The following GALNT13 variants were observed in gnomAD, a reference collection of about 807,000 sequenced individuals.
GALNT13 encodes polypeptide N-acetylgalactosaminyltransferase 13.
GALNT13 carries 28 observed loss-of-function variants against 64.2 expected under a neutral mutation model. That is an observed-to-expected ratio of 0.44 (90% CI 0.32 to 0.60). GALNT13 has a LOEUF of 0.60. GALNT13 is among the 20% of genes least tolerant of loss of function. GALNT13 has a pLI of 0.05. For missense variants in GALNT13, 577 were observed against 669.8 expected, an observed-to-expected ratio of 0.86 and a Z score of 1.53; for synonymous variants, 214 against 224.6, an observed-to-expected ratio of 0.95 and a Z score of 0.42.
At chr2:153,443,257 T>C in the GALNT13 span, among the ~76,000 whole-genome samples, 1 of 152,150 alleles carries the variant, frequency 6.6e-6, no homozygotes, top group Admixed American at 6.5e-5. Flanking sequence ...GATTACACAA[T>C]TTCTCAAGGG....
chr2:153,747,724 A>G, the GALNT13 span, among the ~76,000 whole-genome samples: 1 of 151,842 alleles, frequency 6.6e-6, no homozygotes, highest in Non-Finnish European at 1.5e-5. Context: ...ACTGCACCTG[A>G]CCCAATTGTT....
At chr2:153,345,647 CTT>C in the GALNT13 span, among the ~76,000 whole-genome samples, 28 of 118,188 alleles carry the variant, frequency 2.4e-4, no homozygotes, top group Middle Eastern at 4.1e-3. Flanking sequence ...TTCTTTCTTT[CTT>C]TCTTTCTTTC....
chr2:153,966,312 G>C (rs1481391441), intron 3 of GALNT13, among the ~76,000 whole-genome samples: 1 of 147,874 alleles, frequency 6.8e-6, no homozygotes, highest in African/African-American at 2.5e-5. Context: ...CCTGGTCCTA[G>C]ATGTATAAAA....
the GALNT13 span, among the ~76,000 whole-genome samples, chr2:153,620,104 A>AT: frequency 1.3e-5 from 2 of 151,658 alleles, no homozygotes; most frequent in Non-Finnish European, 2.9e-5. Flanking sequence ...TTTTGAGGCT[A>AT]TTTTTTAATA....
chr2:154,249,987 C>G (rs906344336), intron 7 of GALNT13, among the ~76,000 whole-genome samples: 4 of 151,938 alleles, frequency 2.6e-5, no homozygotes, highest in Admixed American at 6.6e-5. Context: ...ATATTATCTC[C>G]TCTATCATTC....
At chr2:154,122,986 GA>G (rs1452652712) in intron 3 of GALNT13, among the ~76,000 whole-genome samples, 2 of 151,934 alleles carry the variant, frequency 1.3e-5, no homozygotes, top group African/African-American at 2.4e-5. Flanking sequence ...ACATGGATAA[GA>G]AATACAGCAA....
chr2:153,752,975 A>G, the GALNT13 span, among the ~76,000 whole-genome samples: 1 of 152,262 alleles, frequency 6.6e-6, no homozygotes, highest in Middle Eastern at 3.4e-3. Flanking sequence ...ATTTTCAAAT[A>G]ACCTGTCTTC....
intron 3 of GALNT13, among the ~76,000 whole-genome samples, chr2:154,079,205 A>T (rs1248888181): frequency 6.6e-6 from 1 of 151,680 alleles, no homozygotes; most frequent in Non-Finnish European, 1.5e-5. Context: ...AATACATGGT[A>T]ACAAGAATGT....
At chr2:153,742,984 A>G in the GALNT13 span, among the ~76,000 whole-genome samples, 1 of 93,718 alleles carries the variant, frequency 1.1e-5, no homozygotes, top group African/African-American at 4.1e-5. Context: ...GGGGAGGAGA[A>G]GTGGGGGGGG....
At chr2:154,014,635 C>CTTTTT (rs60950180) in intron 3 of GALNT13, among the ~76,000 whole-genome samples, 1,498 of 77,150 alleles carry the variant, frequency 0.019, 275 homozygotes, top group South Asian at 0.078. Flanking sequence ...GATAATTCTC[C>CTTTTT]TTTTTTTTTT....
At chr2:154,368,523 T>G (rs1527867) in intron 9 of GALNT13, among the ~76,000 whole-genome samples, 89,946 of 151,998 alleles carry the variant, frequency 0.59, 26,711 homozygotes, top group Admixed American at 0.67. Flanking sequence ...GTAAAGGGTT[T>G]TAACTTCAGA....
Position 154,245,189 on chromosome 2 carries a change from T to C in GALNT13, c.687-623T>C, listed in dbSNP as rs563024590. 3.3e-4 allele frequency among the ~76,000 whole-genome samples: 50 copies of C among 152,226 alleles called. 1 individual carries two copies. In the South Asian group the frequency reaches 5.0e-3, roughly 15 times the overall value. On this transcript the variant is annotated intron_variant, in intron 6 of 12. Transcript: ENST00000392825. ...TTGCTTATCTTTCCCTATCTTAAGC[T>C]ATCATCTAGATTATACATGTAAACT...
At chr2:153,680,948 GA>G in the GALNT13 span, among the ~76,000 whole-genome samples, 1 of 151,922 alleles carries the variant, frequency 6.6e-6, no homozygotes, top group Non-Finnish European at 1.5e-5. Flanking sequence ...TAGCCTTAAG[GA>G]ATTCGGATAA....
chr2:153,205,752 G>T, the GALNT13 span, among the ~76,000 whole-genome samples: 17 of 151,872 alleles, frequency 1.1e-4, no homozygotes, highest in Admixed American at 8.5e-4. Context: ...CTTTCAATTT[G>T]CCCTGAATGT....
At chr2:153,163,996 C>A in the GALNT13 span, among the ~76,000 whole-genome samples, 7 of 142,762 alleles carry the variant, frequency 4.9e-5, no homozygotes, top group East Asian at 2.0e-4. Flanking sequence ...CCAGCCTGGG[C>A]GACCGAGCCA....
chr2:153,919,828 T>C (rs1018433495), intron 2 of GALNT13, among the ~76,000 whole-genome samples: 54 of 151,582 alleles, frequency 3.6e-4, no homozygotes, highest in African/African-American at 1.3e-3. Flanking sequence ...ACCAGAATTC[T>C]ATAAGTAGAT....
intron 2 of GALNT13, among the ~76,000 whole-genome samples, chr2:153,914,143 CT>C (rs1689169918): frequency 6.6e-6 from 1 of 152,110 alleles, no homozygotes; most frequent in Admixed American, 6.6e-5. Context: ...TTTTCTGTGT[CT>C]TATTGACTTG....
the GALNT13 span, among the ~76,000 whole-genome samples, chr2:153,714,703 T>C: frequency 6.6e-6 from 1 of 152,198 alleles, no homozygotes; most frequent in Non-Finnish European, 1.5e-5. Flanking sequence ...ACCAGCCAAA[T>C]GAAGCAAGGC....
chr2:153,769,872 C>T, the GALNT13 span, among the ~76,000 whole-genome samples: 1 of 152,102 alleles, frequency 6.6e-6, no homozygotes, highest in Non-Finnish European at 1.5e-5. Flanking sequence ...TTAAATATTT[C>T]AATTGTATTT....
Sources: allele counts gnomAD v4.1 joint callset (sites outside exome capture counted in the v4.1 genomes callset), GRCh38; gene constraint gnomAD v4.1.1; transcripts MANE v1.5; gene names NCBI Gene and HGNC (gene_info 2026-07-23, HGNC 2026-07-21).